Variants in MAP2K6 observed in about 807,000 individuals in gnomAD.
MAP2K6 encodes mitogen-activated protein kinase kinase 6, also known as dual specificity mitogen-activated protein kinase kinase 6.
A neutral mutation model predicts 53.7 loss-of-function variants in MAP2K6; 16 were observed. The observed-to-expected ratio is 0.30, with a 90% CI of 0.20 to 0.45. The LOEUF (loss-of-function observed/expected upper bound fraction) is 0.45, where lower values mean the gene tolerates loss of function less well. MAP2K6 is among the 20% of genes least tolerant of loss of function. MAP2K6 has a pLI of 1.00. For synonymous variants in MAP2K6, 132 were observed against 143.1 expected (o/e 0.92, Z 0.55); for missense variants, 204 against 411.9 (o/e 0.50, Z 4.37).
chr17:69,466,048 G>A (rs1258812638), intron 1 of MAP2K6, among the ~76,000 whole-genome samples: 11 of 150,568 alleles, frequency 7.3e-5, no homozygotes, highest in Non-Finnish European at 1.3e-4. Flanking sequence ...CAAGGTGGGT[G>A]GATCACCTGA....
At chr17:69,421,690 C>T (rs923439965) in intron 1 of MAP2K6, among the ~76,000 whole-genome samples, 4 of 151,664 alleles carry the variant, frequency 2.6e-5, no homozygotes, top group Non-Finnish European at 5.9e-5. Context: ...AGGTGCCTGC[C>T]GCCACCATGC....
intron 1 of MAP2K6, chr17:69,435,293 T>C (rs1281823338): frequency 6.6e-6 from 1 of 152,122 alleles, no homozygotes; most frequent in Non-Finnish European, 1.5e-5. Flanking sequence ...TCCCAGCACT[T>C]TGGGAGTCTG....
chr17:69,502,730 T>C, intron 1 of MAP2K6: 1 of 983,966 alleles, frequency 1.0e-6, no homozygotes, highest in Non-Finnish European at 1.2e-6. Flanking sequence ...TGGCTGGGTG[T>C]AACAGTGATC....
intron 1 of MAP2K6, among the ~76,000 whole-genome samples, chr17:69,495,762 C>G (rs946573897): frequency 5.3e-5 from 8 of 151,992 alleles, no homozygotes; most frequent in Non-Finnish European, 1.0e-4. Context: ...AAAACCTAAC[C>G]AAAACCCAGT....
chr17:69,533,412 A>G (rs1424773897), intron 10 of MAP2K6, among the ~76,000 whole-genome samples: 1 of 152,200 alleles, frequency 6.6e-6, no homozygotes, highest in Admixed American at 6.5e-5. Flanking sequence ...TGCTAAATAT[A>G]AGGTAAAAAA....
intron 1 of MAP2K6, among the ~76,000 whole-genome samples, chr17:69,452,870 A>G (rs573598744): frequency 3.3e-4 from 50 of 152,360 alleles, no homozygotes; most frequent in African/African-American, 1.2e-3. Context: ...AAAGCATAAT[A>G]TAAAATGTCT....
intron 1 of MAP2K6, among the ~76,000 whole-genome samples, chr17:69,476,319 A>C (rs1186159405): frequency 6.6e-6 from 1 of 152,182 alleles, no homozygotes; most frequent in Non-Finnish European, 1.5e-5. Flanking sequence ...CCTCAAAAAC[A>C]AAACCAAAAA....
chr17:69,432,132 G>A (rs765179176), intron 1 of MAP2K6, among the ~76,000 whole-genome samples: 32 of 152,332 alleles, frequency 2.1e-4, no homozygotes, highest in Non-Finnish European at 3.5e-4. Context: ...TGAAAGGAAC[G>A]AATATGGCTG....
chr17:69,516,043 T>C (rs1910124185), intron 2 of MAP2K6, among the ~76,000 whole-genome samples: 2 of 152,126 alleles, frequency 1.3e-5, no homozygotes, highest in African/African-American at 4.8e-5. Context: ...AGGGACTGGT[T>C]TTTTGAAAGA....
chr17:69,439,314 A>G (rs1021151730), intron 1 of MAP2K6, among the ~76,000 whole-genome samples: 1 of 152,204 alleles, frequency 6.6e-6, no homozygotes, highest in East Asian at 1.9e-4. Context: ...TCTAAAATAG[A>G]TGCCTCATCT....
At position 69,414,961 on chromosome 17, in the gene MAP2K6, TC is replaced by T. The variant is rs1567810256; in HGVS notation, c.-19del. 1.3e-6 allele frequency: 2 copies of T among 1,545,142 alleles called. No homozygotes were observed. The highest frequency in any genetic ancestry group is 1.8e-6 in the Non-Finnish European group (2 of 1,117,750). On this transcript the variant is annotated 5_prime_UTR_variant, in exon 1 of 12. Transcript: ENST00000590474. ...CAAGGCAAAGTCTTTTGTGCTCCCC[TC>T]CCCCATCAAAGGAAAGGGGAAAATG...
chr17:69,441,598 T>A (rs950411156), intron 1 of MAP2K6, among the ~76,000 whole-genome samples: 2 of 152,232 alleles, frequency 1.3e-5, no homozygotes, highest in Non-Finnish European at 2.9e-5. Flanking sequence ...CACTTCTGTG[T>A]CGTTTCAATA....
In MAP2K6 at chr17:69,512,452, G is replaced by A. The variant is rs552126173; in HGVS notation, c.84-4403G>A. Among the ~76,000 whole-genome samples, 3 of 145,326 alleles carry A rather than the reference G, an allele frequency of 2.1e-5. No homozygotes were observed. The East Asian group carries it at 6.2e-4, about 30-fold the overall frequency. ...CCTCTTGGGTCCAAGCGATTCTCCT[G>A]CCTCAGCCTCCCAAGTAGCTGGGAC... is the stretch of plus-strand genomic sequence containing the variant. On this transcript the variant is annotated intron_variant, in intron 2 of 11. Transcript: ENST00000590474.
chr17:69,507,094 G>A (rs557830454), intron 2 of MAP2K6, among the ~76,000 whole-genome samples: 10 of 151,682 alleles, frequency 6.6e-5, no homozygotes, highest in African/African-American at 2.4e-4. Flanking sequence ...TTTACTACCT[G>A]TATAGGAATT....
At chr17:69,479,277 G>A (rs905575553) in intron 1 of MAP2K6, among the ~76,000 whole-genome samples, 1 of 152,118 alleles carries the variant, frequency 6.6e-6, no homozygotes, top group Admixed American at 6.5e-5. Flanking sequence ...TACAGGTCAA[G>A]CATCCCTAAT....
intron 1 of MAP2K6, among the ~76,000 whole-genome samples, chr17:69,496,173 G>T (rs8065373): frequency 3.8e-3 from 575 of 151,900 alleles, no homozygotes; most frequent in African/African-American, 0.012. Context: ...CCCAATTAGC[G>T]GATGGACAGG....
intron 1 of MAP2K6, among the ~76,000 whole-genome samples, chr17:69,474,253 G>T (rs1908067430): frequency 6.6e-6 from 1 of 152,190 alleles, no homozygotes; most frequent in Admixed American, 6.5e-5. Flanking sequence ...CTGAGTCAAT[G>T]ACAGAGACCA....
At chr17:69,463,616 C>CTCTA (rs1160309217) in intron 1 of MAP2K6, among the ~76,000 whole-genome samples, 2 of 149,814 alleles carry the variant, frequency 1.3e-5, no homozygotes, top group African/African-American at 4.9e-5. Context: ...CTCTCTCTCT[C>CTCTA]TATATATATA....
chr17:69,484,748 G>A lies in MAP2K6; in HGVS notation c.17-21032G>A, dbSNP rs111860830. ...AATGGAATATTTTCAGCAATAGGAA[G>A]GAAGAATTACTGATACAAGCTACAA... On this transcript the variant is annotated intron_variant, in intron 1 of 11. Transcript: ENST00000590474. 8.2e-3 allele frequency among the ~76,000 whole-genome samples: 1,247 copies of A among 152,142 alleles called. 16 individuals carry two copies. Among genetic ancestry groups the A allele is most frequent in the African/African-American group, 0.028 (1,180 of 41,514 alleles).
Sources: gnomAD v4.1 joint callset for allele counts (sites outside exome capture counted in the v4.1 genomes callset) on GRCh38, gnomAD v4.1.1 for gene constraint, MANE v1.5 for transcripts, NCBI Gene and HGNC (gene_info 2026-07-23, HGNC 2026-07-21) for gene names.